The following COL13A1 variants were observed in gnomAD, a reference collection of about 807,000 sequenced individuals.
COL13A1 encodes collagen type XIII alpha 1 chain.
A neutral mutation model predicts 130.9 loss-of-function variants in COL13A1; 89 were observed. The observed-to-expected ratio is 0.68, with a 90% CI of 0.57 to 0.81. The LOEUF (loss-of-function observed/expected upper bound fraction) is 0.81, where lower values mean the gene tolerates loss of function less well. Ranked by LOEUF, COL13A1 falls within the 30% of genes least tolerant of loss-of-function variation. The pLI is 0.00. For missense variants in COL13A1, 879 were observed against 934.6 expected, an observed-to-expected ratio of 0.94 and a Z score of 0.78; for synonymous variants, 402 against 341.6, an observed-to-expected ratio of 1.18 and a Z score of -1.95.
chr10:69,945,193 C>T (rs536211063), intron 36 of COL13A1, among the ~76,000 whole-genome samples: 69 of 152,334 alleles, frequency 4.5e-4, no homozygotes, highest in African/African-American at 1.4e-3. Flanking sequence ...ACTCCCCATC[C>T]GCCCACCTTG....
At chr10:69,862,451 T>C (rs1353441605) in intron 2 of COL13A1, among the ~76,000 whole-genome samples, 1 of 152,170 alleles carries the variant, frequency 6.6e-6, no homozygotes, top group East Asian at 1.9e-4. Context: ...GTTTGGGCCA[T>C]AGGGCTGTAC....
At chr10:69,837,443 C>T (rs975503444) in intron 2 of COL13A1, among the ~76,000 whole-genome samples, 4 of 152,216 alleles carry the variant, frequency 2.6e-5, no homozygotes, top group Admixed American at 1.3e-4. Flanking sequence ...CACCTGGTTC[C>T]GGATTCATCT....
chr10:69,824,259 A>C (rs188287190), intron 2 of COL13A1: 10 of 428,176 alleles, frequency 2.3e-5, no homozygotes. Flanking sequence ...TTATTTTCTC[A>C]ACTGCCTCTC....
chr10:69,942,755 A>G (rs1240938945), intron 35 of COL13A1, among the ~76,000 whole-genome samples: 1 of 152,238 alleles, frequency 6.6e-6, no homozygotes, highest in Non-Finnish European at 1.5e-5. Flanking sequence ...CGGCAAGGCT[A>G]AGGAGCTTCT....
chr10:69,825,218 G>A lies in COL13A1; in HGVS notation c.364+2780G>A, dbSNP rs561003576. 2.0e-5 allele frequency among the ~76,000 whole-genome samples: 3 copies of A among 152,298 alleles called. No homozygotes were observed. The South Asian group carries it at 6.2e-4, about 32-fold the overall frequency. On this transcript the variant is annotated intron_variant, in intron 2 of 40. Transcript: ENST00000645393. ...GAAGGGAATTCAGTTCTAACACTCT[G>A]GAATGTCTGAACATCCTCAAATTCG...
At chr10:69,919,895 A>G (rs2064406783) in intron 21 of COL13A1, among the ~76,000 whole-genome samples, 168 bp downstream of exon 21, 1 of 152,012 alleles carries the variant, frequency 6.6e-6, no homozygotes, top group African/African-American at 2.4e-5. Flanking sequence ...AGAAACCCAC[A>G]CTCAAGAGCA....
chr10:69,945,146 T>A (rs569247489), intron 36 of COL13A1, among the ~76,000 whole-genome samples: 63 of 152,264 alleles, frequency 4.1e-4, no homozygotes, highest in African/African-American at 1.4e-3. Context: ...TGTGTGGGCA[T>A]CCGTCGAGTT....
intron 16 of COL13A1, among the ~76,000 whole-genome samples, chr10:69,905,517 CT>C (rs2062660836): frequency 1.3e-5 from 2 of 152,176 alleles, no homozygotes; most frequent in African/African-American, 4.8e-5. Flanking sequence ...ATCAGGTCTC[CT>C]GGGTCTCCTG....
intron 35 of COL13A1, among the ~76,000 whole-genome samples, chr10:69,942,758 G>A (rs2136111368): frequency 6.6e-6 from 1 of 152,358 alleles, no homozygotes; most frequent in South Asian, 2.1e-4. Flanking sequence ...CAAGGCTAAG[G>A]AGCTTCTCCA....
At chr10:69,887,809 A>T (rs2060745818) in intron 8 of COL13A1, among the ~76,000 whole-genome samples, 1 of 152,208 alleles carries the variant, frequency 6.6e-6, no homozygotes, top group African/African-American at 2.4e-5. Context: ...CTGTGGGAGA[A>T]CACCCTGCAG....
At chr10:69,903,610 T>A (rs2135158701) in intron 15 of COL13A1, among the ~76,000 whole-genome samples, 1 of 152,316 alleles carries the variant, frequency 6.6e-6, no homozygotes, top group Middle Eastern at 3.4e-3. Context: ...GTAAGACTAA[T>A]GTTATTGGAG....
At chr10:69,930,655 G>A in intron 30 of COL13A1, 103 bp downstream of exon 30, 1 of 1,336,018 alleles carries the variant, frequency 7.5e-7, no homozygotes. Context: ...TGCTGCCTGG[G>A]CTAGAAACCT....
chr10:69,933,053 G>T (rs10999029), intron 31 of COL13A1, among the ~76,000 whole-genome samples: 33,883 of 142,604 alleles, frequency 0.24, 4,556 homozygotes, highest in East Asian at 0.37. Flanking sequence ...GGAGAATCAC[G>T]TGAACCCAGG....
intron 38 of COL13A1, among the ~76,000 whole-genome samples, chr10:69,948,790 G>T (rs1174212997): frequency 1.3e-5 from 2 of 152,124 alleles, no homozygotes; most frequent in African/African-American, 4.8e-5. Context: ...TGCTCTAGAG[G>T]TGGAGGCAGG....
chr10:69,936,109 GAA>G lies in COL13A1; in HGVS notation c.1771-646_1771-645del, dbSNP rs1326368687. Among the ~76,000 whole-genome samples, 274 of 30,300 alleles carry G rather than the reference GAA, an allele frequency of 9.0e-3. 3 individuals are homozygous for G. Among genetic ancestry groups the G allele is most frequent in the Non-Finnish European group, 0.013 (202 of 16,078 alleles). 19.9% of individuals were successfully genotyped at this position (30,300 alleles called of 152,430 possible). ...GGAGGGAAGGAGGGAAGGGAGGAAG[GAA>G]GGAAGGAAGGAAGGAAAGAAGGAAG... On this transcript the variant is annotated intron_variant, in intron 32 of 40. Coordinates refer to ENST00000645393, the MANE Select transcript of COL13A1 (RefSeq NM_001368882.1).
chr10:69,897,412 T>C, intron 13 of COL13A1: 1 of 1,550,282 alleles, frequency 6.5e-7, no homozygotes, highest in African/African-American at 1.4e-5. Flanking sequence ...CTGGTGTCTG[T>C]GGGCTCTCCC....
intron 24 of COL13A1, 28 bp downstream of exon 24, chr10:69,923,883 G>A: frequency 6.2e-7 from 1 of 1,606,656 alleles, no homozygotes; most frequent in Non-Finnish European, 8.5e-7. Flanking sequence ...TCCCAGAGCT[G>A]CAAGATGAGG....
At chr10:69,825,901 G>T (rs1056772609) in intron 2 of COL13A1, among the ~76,000 whole-genome samples, 1 of 152,168 alleles carries the variant, frequency 6.6e-6, no homozygotes, top group Admixed American at 6.5e-5. Context: ...GGCTGCATGC[G>T]CTGTTTGCCA....
chr10:69,881,053 AC>A (rs2060090733), intron 7 of COL13A1, among the ~76,000 whole-genome samples: 1 of 152,038 alleles, frequency 6.6e-6, no homozygotes, highest in African/African-American at 2.4e-5. Flanking sequence ...AGCACCCTCC[AC>A]CCCGTGGCTG....
Sources: allele counts gnomAD v4.1 joint callset (sites outside exome capture counted in the v4.1 genomes callset), GRCh38; gene constraint gnomAD v4.1.1; transcripts MANE v1.5; gene names NCBI Gene and HGNC (gene_info 2026-07-23, HGNC 2026-07-21).